Variants in PTPN18 observed in about 807,000 individuals in gnomAD.
PTPN18 encodes tyrosine-protein phosphatase non-receptor type 18.
Under a neutral mutation model 65.4 loss-of-function variants are expected in PTPN18, and 65 were observed. The ratio of observed to expected loss-of-function variants is 0.99; its 90% CI spans 0.81 to 1.22. The LOEUF is 1.22. Among genes scored for constraint, PTPN18 ranks in the 50% most tolerant of loss-of-function variants. The probability of loss-of-function intolerance (pLI) is 0.00; values close to 1 mark genes in which losing one functional copy is unlikely to be tolerated. For synonymous variants in PTPN18, 255 were observed against 267.8 expected (o/e 0.95, Z 0.47); for missense variants, 616 against 646.5 (o/e 0.95, Z 0.51).
intron 5 of PTPN18, among the ~76,000 whole-genome samples, chr2:130,366,442 T>C (rs1028667097): frequency 3.9e-5 from 6 of 152,270 alleles, no homozygotes; most frequent in Non-Finnish European, 8.8e-5. Context: ...GACTTTCATA[T>C]GTTGAACCAA....
chr2:130,358,282 G>A (rs539483437), intron 1 of PTPN18, among the ~76,000 whole-genome samples: 19 of 152,318 alleles, frequency 1.2e-4, no homozygotes, highest in South Asian at 4.1e-4. Flanking sequence ...TTGAGATTAC[G>A]AATACCTGAC....
rs771275177 is a variant in PTPN18, at chr2:130,371,239, C to A, written c.965C>A (p.Thr322Asn). 8.1e-6 allele frequency: 13 copies of A among 1,610,924 alleles called. 1 individual carries two copies. The South Asian group carries it at 1.4e-4, about 18-fold the overall frequency. The change falls in exon 12 of 15, where the codon ACT becomes AAT. Residue 322 changes from threonine to asparagine, a missense_variant. By Grantham distance (65) the Thr-to-Asn change is moderately conservative. Coordinates refer to ENST00000175756, the MANE Select transcript of PTPN18 (RefSeq NM_014369.4). ...TACGACGATGCCCTCTTCCTCCGGACTCCCCAGGCACTTCTCGCCATACCC... is the reference window on the plus strand; with the variant it reads ...TACGACGATGCCCTCTTCCTCCGGAATCCCCAGGCACTTCTCGCCATACCC... ...PLYDDALFLR[T>N]PQALLAIPRP... is the part of the protein sequence containing the mutation.
In PTPN18 at chr2:130,371,269, C is replaced by G. The variant is rs1321580312; in HGVS notation, c.995C>G (p.Pro332Arg). 5 of 1,603,706 alleles carry G rather than the reference C, an allele frequency of 3.1e-6. No homozygotes were observed. The highest frequency in any genetic ancestry group is 4.3e-6 in the Non-Finnish European group (5 of 1,174,070). The change falls in exon 12 of 15, where the codon CCA becomes CGA. Residue 332 changes from proline to arginine, a missense_variant. Pro to Arg is a moderately radical substitution (Grantham distance 103). Around this residue, in one of 3 missense-constraint regions of PTPN18, gnomAD observed 368 missense variants for 386.7 expected, o/e 0.95. Coordinates refer to ENST00000175756, the MANE Select transcript of PTPN18 (RefSeq NM_014369.4). ...CAGGCACTTCTCGCCATACCCCGCC[C>G]ACCAGGAGGGGTCCTCAGGTACCCG... The part of the protein sequence containing the change: ...TPQALLAIPR[P>R]PGGVLRSISV...
intron 12 of PTPN18, among the ~76,000 whole-genome samples, chr2:130,371,818 A>G (rs1228958821): frequency 2.0e-5 from 3 of 151,606 alleles, no homozygotes; most frequent in Non-Finnish European, 4.4e-5. Flanking sequence ...CTGTCTCAAA[A>G]AAACAACAAA....
intron 5 of PTPN18, among the ~76,000 whole-genome samples, chr2:130,367,194 C>T (rs1680413495): frequency 6.6e-6 from 1 of 150,526 alleles, no homozygotes; most frequent in Admixed American, 6.7e-5. Flanking sequence ...AGAGCTTACT[C>T]TAATATTTCT....
At chr2:130,359,116 C>T in intron 2 of PTPN18, 117 bp from the exon 3 acceptor site, 1 of 1,485,806 alleles carries the variant, frequency 6.7e-7, no homozygotes, top group East Asian at 2.3e-5. Flanking sequence ...ACAAGGGCAC[C>T]TTGGTGGGAT....
chr2:130,370,551 T>C lies in PTPN18; in HGVS notation c.690-6T>C. On this transcript the variant is annotated splice_polypyrimidine_tract_variant and splice_region_variant and intron_variant, in intron 8 of 14. Coordinates refer to ENST00000175756, the MANE Select transcript of PTPN18 (RefSeq NM_014369.4). ...CTGACCAGGCACACTCTGATTCTCT[T>C]GTCAGTGCGGGTTGTGGGCGAACAG... 6.2e-7 allele frequency: 1 copy of C among 1,614,154 alleles called. No homozygotes were observed.
chr2:130,365,924 G>A (rs1680367114), intron 5 of PTPN18, among the ~76,000 whole-genome samples: 1 of 152,212 alleles, frequency 6.6e-6, no homozygotes, highest in Admixed American at 6.5e-5. Flanking sequence ...TAAGCTGATT[G>A]ATGTGTTTAT....
chr2:130,374,792 G>C lies in PTPN18; in HGVS notation c.*1568G>C, dbSNP rs1000648558. ...ATAGGGCTGGCCTTCCTCTGCCTCT[G>C]CCTGGCTGCATCCATGGTCGATCTC... On this transcript the variant is annotated 3_prime_UTR_variant, in exon 15 of 15. Transcript: ENST00000175756. 1.4e-5 allele frequency: 6 copies of C among 443,040 alleles called. No homozygotes were observed. The highest frequency in any genetic ancestry group is 7.5e-5 in the Admixed American group (3 of 39,896). The allele number at this position is 443,040 out of a possible 1,614,324, so 27.4% of individuals were successfully genotyped here.
In PTPN18 at chr2:130,374,666, G is replaced by A. The variant is rs779214186; in HGVS notation, c.*1442G>A. 6 of 471,468 alleles carry A rather than the reference G, an allele frequency of 1.3e-5. No individual in the cohort carries two copies. The highest frequency in any genetic ancestry group is 7.7e-5 in the South Asian group (5 of 64,564). The allele number at this position is 471,468 out of a possible 1,614,324, so 29.2% of individuals were successfully genotyped here. On this transcript the variant is annotated 3_prime_UTR_variant, in exon 15 of 15. Transcript: ENST00000175756. ...AGGGTCCCGCCCCTCTCACTTTCAG[G>A]TCTCTGGACCTCTGACTGACACTGT...
At chr2:130,359,867 C>T (rs1355428145) in intron 5 of PTPN18, 1 of 604,162 alleles carries the variant, frequency 1.7e-6, no homozygotes, top group South Asian at 2.0e-5. Context: ...CCATTTCACA[C>T]CTTAGACCAT....
At position 130,356,189 on chromosome 2, in the gene PTPN18, G is replaced by C. The variant is rs200630854; in HGVS notation, c.82G>C (p.Gly28Arg). ...CGGCCGGGAGGGGGCAGTCCTCGCC[G>C]GCGAGTTCAGCGTGAGTGGCACACG... Reference protein sequence around the residue: ...RGGREGAVLAGEFSDIQACSA... With the variant: ...RGGREGAVLAREFSDIQACSA... The change falls in exon 1 of 15, where the codon GGC becomes CGC. Residue 28 changes from glycine to arginine, a missense_variant. By Grantham distance (125) the Gly-to-Arg change is moderately radical (BLOSUM62 -2). This residue lies in a region of PTPN18 where 223 missense variants were observed against 210.0 expected (regional missense o/e 1.06). Transcript: ENST00000175756. The C allele has an allele frequency of 1.2e-3, 1,516 of 1,315,012 alleles. 13 individuals carry two copies. In the African/African-American group the frequency reaches 0.018, roughly 16 times the overall value. 81.5% of individuals were successfully genotyped at this position (1,315,012 alleles called of 1,614,324 possible).
At chr2:130,368,884 A>C (rs1558845778) in intron 5 of PTPN18, 1 of 373,782 alleles carries the variant, frequency 2.7e-6, no homozygotes, top group South Asian at 5.1e-5. Flanking sequence ...TATTTTGTCC[A>C]GTTTCTAGTT....
chr2:130,361,468 T>C (rs1467032255), intron 5 of PTPN18, among the ~76,000 whole-genome samples: 1 of 152,006 alleles, frequency 6.6e-6, no homozygotes. Context: ...TTCTGAAGTG[T>C]ACTTTGATAT....
chr2:130,369,124 CT>C lies in PTPN18; in HGVS notation c.415-5del. On this transcript the variant is annotated splice_polypyrimidine_tract_variant and splice_region_variant and intron_variant, in intron 5 of 14. Transcript: ENST00000175756. Reference sequence around the variant, plus strand: ...TCACTCCCTGCCTTTTCTCCCTTACCTTTTGCAGAAAAGGTGTGAGCGGTAC... The same window carrying C: ...TCACTCCCTGCCTTTTCTCCCTTACCTTTGCAGAAAAGGTGTGAGCGGTAC... 1 of 1,607,252 alleles carries C rather than the reference CT, an allele frequency of 6.2e-7. No individual in the cohort carries two copies. The highest frequency in any genetic ancestry group is 8.5e-7 in the Non-Finnish European group (1 of 1,175,616).
intron 1 of PTPN18, chr2:130,356,746 G>A: frequency 2.4e-6 from 1 of 418,482 alleles, no homozygotes; most frequent in East Asian, 7.4e-5. Flanking sequence ...GGTCCAGGCG[G>A]TCTACCTGGC....
intron 1 of PTPN18, 38 bp downstream of exon 1, chr2:130,356,238 G>T (rs1272681329): frequency 8.6e-6 from 11 of 1,273,996 alleles, no homozygotes; most frequent in Non-Finnish European, 9.0e-6. Flanking sequence ...GCGCGCCCCG[G>T]CCCTGGCCCT....
chr2:130,364,334 G>A lies in PTPN18; in HGVS notation c.414+4688G>A, dbSNP rs1372292612. Reference sequence around the variant, plus strand: ...AGGAATACACTAATATACAATACTTGTCCTTTTTTCAAGGTTCATCCATGT... The same window carrying A: ...AGGAATACACTAATATACAATACTTATCCTTTTTTCAAGGTTCATCCATGT... On this transcript the variant is annotated intron_variant, in intron 5 of 14. Coordinates refer to ENST00000175756, the MANE Select transcript of PTPN18 (RefSeq NM_014369.4). Among the ~76,000 whole-genome samples the A allele has an allele frequency of 2.0e-5, 3 of 152,220 alleles. 1 individual carries two copies. Among genetic ancestry groups the A allele is most frequent in the Non-Finnish European group, 4.4e-5 (3 of 68,024 alleles).
chr2:130,362,081 G>A (rs1458038808), intron 5 of PTPN18: 7 of 466,652 alleles, frequency 1.5e-5, no homozygotes, highest in Non-Finnish European at 2.2e-5. Context: ...GATCATGCTA[G>A]CGCAGCCTCC....
Sources: allele counts gnomAD v4.1 joint callset (sites outside exome capture counted in the v4.1 genomes callset), GRCh38; gene constraint gnomAD v4.1.1; regional missense constraint gnomAD v4.1.1; transcripts MANE v1.5; gene names NCBI Gene and HGNC (gene_info 2026-07-23, HGNC 2026-07-21).